The following DTNBP1 variants were observed in gnomAD, a reference collection of about 807,000 sequenced individuals.
DTNBP1 encodes dysbindin.
In DTNBP1, 35 loss-of-function variants were observed where a neutral mutation model predicts 42.8. The observed-to-expected ratio is 0.82, with a 90% CI of 0.63 to 1.09. DTNBP1 has a LOEUF of 1.09. Among genes scored for constraint, DTNBP1 ranks in the 50% least tolerant of loss-of-function variants. The probability of loss-of-function intolerance (pLI) is 0.00; values close to 1 mark genes in which losing one functional copy is unlikely to be tolerated. For missense variants in DTNBP1, 457 were observed against 424.2 expected (o/e 1.08, Z -0.68); for synonymous variants, 171 against 162.2 (o/e 1.05, Z -0.41).
At chr6:15,571,966 T>C (rs1255532794) in intron 7 of DTNBP1, among the ~76,000 whole-genome samples, 2 of 152,198 alleles carry the variant, frequency 1.3e-5, no homozygotes, top group East Asian at 3.8e-4. Context: ...CTGAAGCCAA[T>C]TTCCATGTGA....
intron 7 of DTNBP1, among the ~76,000 whole-genome samples, chr6:15,558,991 G>T (rs905439782): frequency 1.3e-5 from 2 of 152,094 alleles, no homozygotes; most frequent in African/African-American, 4.8e-5. Context: ...TTTAGACTAC[G>T]GAAATGACAT....
At chr6:15,624,275 G>C (rs778387047) in intron 5 of DTNBP1, among the ~76,000 whole-genome samples, 10 of 152,200 alleles carry the variant, frequency 6.6e-5, no homozygotes, top group Non-Finnish European at 8.8e-5. Context: ...TGGATTGGGA[G>C]CCAAACCCGA....
chr6:15,572,212 T>C (rs1233524278), intron 7 of DTNBP1, among the ~76,000 whole-genome samples: 3 of 152,224 alleles, frequency 2.0e-5, no homozygotes, highest in African/African-American at 7.2e-5. Context: ...TCCCATTTTA[T>C]AGCTGAGCAA....
chr6:15,596,203 C>T (rs918492225), intron 6 of DTNBP1, among the ~76,000 whole-genome samples: 1 of 152,144 alleles, frequency 6.6e-6, no homozygotes, highest in African/African-American at 2.4e-5. Context: ...GACAAGCATG[C>T]TAACCGGGGC....
intron 9 of DTNBP1, 125 bp downstream of exon 9, chr6:15,524,401 G>A (rs779815539): frequency 2.5e-6 from 4 of 1,614,070 alleles, no homozygotes; most frequent in Non-Finnish European, 3.4e-6. Context: ...TAGGGAGCCA[G>A]GAGCTGGCTG....
At chr6:15,638,838 CTTTTT>C (rs34034677) in intron 3 of DTNBP1, among the ~76,000 whole-genome samples, 2 of 138,636 alleles carry the variant, frequency 1.4e-5, no homozygotes, top group South Asian at 2.3e-4. Flanking sequence ...TTGGCCAGTA[CTTTTT>C]TTTTTTTTTT....
At chr6:15,625,627 A>T (rs534973351) in intron 5 of DTNBP1, among the ~76,000 whole-genome samples, 5 of 152,364 alleles carry the variant, frequency 3.3e-5, no homozygotes, top group African/African-American at 1.2e-4. Context: ...CATTTTCTAA[A>T]CAGAATTGAC....
intron 8 of DTNBP1, among the ~76,000 whole-genome samples, chr6:15,531,076 C>T (rs1370800513): frequency 6.6e-6 from 1 of 152,178 alleles, no homozygotes; most frequent in Non-Finnish European, 1.5e-5. Flanking sequence ...CTCCACCCTA[C>T]TGTTGGCCAC....
chr6:15,593,515 CA>C (rs962945859), intron 6 of DTNBP1, among the ~76,000 whole-genome samples: 1 of 152,110 alleles, frequency 6.6e-6, no homozygotes, highest in African/African-American at 2.4e-5. Flanking sequence ...AAAATAGAAG[CA>C]GTTGTTTTCC....
chr6:15,601,943 A>G (rs771765421), intron 6 of DTNBP1, among the ~76,000 whole-genome samples: 6 of 152,016 alleles, frequency 3.9e-5, no homozygotes, highest in Non-Finnish European at 8.8e-5. Flanking sequence ...TCTTTGGGGG[A>G]AAATGTCCCT....
In DTNBP1 at chr6:15,523,046, C is replaced by T; in HGVS notation, c.985G>A (p.Asp329Asn). ...GTGTGTGATGTGGCCAGGGCAGTGT[C>T]CACCTGAACTTCCTCCTCATCGGAC... ...VQSDEEEVQV[D>N]TALATSHTDR... The change falls in exon 10 of 10, where the codon GAC (aspartate) becomes AAC (asparagine). Residue 329 changes from aspartate to asparagine, a missense_variant. Transcript: ENST00000344537. 6.2e-7 allele frequency: 1 copy of T among 1,614,204 alleles called. No homozygotes were observed. The highest frequency in any genetic ancestry group is 8.5e-7 in the Non-Finnish European group (1 of 1,180,038).
intron 6 of DTNBP1, among the ~76,000 whole-genome samples, chr6:15,608,446 C>T: frequency 6.6e-6 from 1 of 152,228 alleles, no homozygotes; most frequent in Admixed American, 6.5e-5. Context: ...GGAAACACTA[C>T]TTAGAATTCT....
chr6:15,621,017 T>C (rs533801624), intron 5 of DTNBP1, among the ~76,000 whole-genome samples: 1 of 152,324 alleles, frequency 6.6e-6, no homozygotes, highest in Non-Finnish European at 1.5e-5. Flanking sequence ...ATAAAAGTGA[T>C]TGAAAACTAA....
At chr6:15,653,851 T>C (rs1029340917) in intron 1 of DTNBP1, among the ~76,000 whole-genome samples, 1 of 152,252 alleles carries the variant, frequency 6.6e-6, no homozygotes, top group Non-Finnish European at 1.5e-5. Flanking sequence ...GACACTTTAC[T>C]GCCATCAGCC....
chr6:15,533,413 C>A lies in DTNBP1; in HGVS notation c.512-18G>T. Reference sequence around the variant, plus strand: ...TAGTTCAGCTGAGGAAACAGAATAACTGGGGTTAGGGTTTGAAAAGGGACT... The same window carrying A: ...TAGTTCAGCTGAGGAAACAGAATAAATGGGGTTAGGGTTTGAAAAGGGACT... On this transcript the variant is annotated intron_variant, in intron 7 of 9. Transcript: ENST00000344537. 1 of 1,614,178 alleles carries A rather than the reference C, an allele frequency of 6.2e-7. No homozygotes were observed. Among genetic ancestry groups the A allele is most frequent in the Non-Finnish European group, 8.5e-7 (1 of 1,180,034 alleles).
intron 6 of DTNBP1, among the ~76,000 whole-genome samples, chr6:15,600,380 G>A (rs1776682735): frequency 6.6e-6 from 1 of 152,110 alleles, no homozygotes; most frequent in South Asian, 2.1e-4. Flanking sequence ...TACTCAAATG[G>A]TCATTGTGAG....
In DTNBP1 at chr6:15,523,181, G is replaced by GGA; in HGVS notation, c.848_849dup (p.Gln284SerfsTer9). On this transcript the variant is annotated frameshift_variant, in exon 10 of 10. Coordinates refer to ENST00000344537, the MANE Select transcript of DTNBP1 (RefSeq NM_032122.5). LOFTEE classifies it low-confidence loss of function (END_TRUNC). ...CTTAATTCTGAGGGATTTGGAACCTGGAGGGTAATCTCATTCTGACAGGTA... is the reference window on the plus strand; with the variant it reads ...CTTAATTCTGAGGGATTTGGAACCTGGAGAGGGTAATCTCATTCTGACAGGTA... 1 of 1,614,230 alleles carries GGA rather than the reference G, an allele frequency of 6.2e-7. No homozygotes were observed. Among genetic ancestry groups the GGA allele is most frequent in the Non-Finnish European group, 8.5e-7 (1 of 1,180,034 alleles).
chr6:15,614,196 CA>C (rs1758588483), intron 6 of DTNBP1, among the ~76,000 whole-genome samples: 1 of 152,076 alleles, frequency 6.6e-6, no homozygotes, highest in East Asian at 1.9e-4. Flanking sequence ...ATTTTAACAT[CA>C]ATACAATAAT....
At chr6:15,661,865 C>T (rs928824309) in intron 1 of DTNBP1, among the ~76,000 whole-genome samples, 15 of 152,284 alleles carry the variant, frequency 9.9e-5, no homozygotes, top group African/African-American at 3.6e-4. Flanking sequence ...TTCATTAATC[C>T]TTGTAATAAC....
Sources: allele counts gnomAD v4.1 joint callset (sites outside exome capture counted in the v4.1 genomes callset), GRCh38; gene constraint gnomAD v4.1.1; transcripts MANE v1.5; gene names NCBI Gene and HGNC (gene_info 2026-07-23, HGNC 2026-07-21).